The following TACR1 variants were observed in gnomAD, a reference collection of about 807,000 sequenced individuals.
TACR1 encodes the protein tachykinin receptor 1.
A neutral mutation model predicts 35.8 loss-of-function variants in TACR1; 25 were observed. The observed-to-expected ratio is 0.70, with a 90% CI of 0.51 to 0.98. The LOEUF (loss-of-function observed/expected upper bound fraction) is 0.98, where lower values mean the gene tolerates loss of function less well. Among genes scored for constraint, TACR1 ranks in the 50% least tolerant of loss-of-function variants. The probability of loss-of-function intolerance (pLI) is 0.00; values close to 1 mark genes in which losing one functional copy is unlikely to be tolerated. For missense variants in TACR1, 478 were observed against 522.9 expected (o/e 0.91, Z 0.84); for synonymous variants, 195 against 206.7 (o/e 0.94, Z 0.48).
chr2:75,143,384 T>C (rs935935621), intron 1 of TACR1, among the ~76,000 whole-genome samples: 1 of 152,222 alleles, frequency 6.6e-6, no homozygotes, highest in African/African-American at 2.4e-5. Context: ...GCTCTTGTCT[T>C]CCTTCCATTG....
intron 2 of TACR1, among the ~76,000 whole-genome samples, chr2:75,090,304 G>T (rs757673532): frequency 4.6e-5 from 7 of 152,164 alleles, no homozygotes; most frequent in Non-Finnish European, 7.3e-5. Flanking sequence ...TCCTCAGCCA[G>T]GGCTCTTAAA....
intron 2 of TACR1, among the ~76,000 whole-genome samples, chr2:75,081,362 G>C (rs1056547080): frequency 6.6e-6 from 1 of 152,122 alleles, no homozygotes; most frequent in Non-Finnish European, 1.5e-5. Flanking sequence ...ACCACCATAT[G>C]GTGAAAAATC....
At position 75,103,340 on chromosome 2, in the gene TACR1, G is replaced by A. The variant is rs1017942532; in HGVS notation, c.584+17234C>T. On this transcript the variant is annotated intron_variant, in intron 2 of 4. Coordinates refer to ENST00000305249, the MANE Select transcript of TACR1 (RefSeq NM_001058.4). ...CAAAACACACGACACAACACAAAAAGCACAAAACTAGAAACTAAAAACAAA... is the reference window on the plus strand; with the variant it reads ...CAAAACACACGACACAACACAAAAAACACAAAACTAGAAACTAAAAACAAA... Among the ~76,000 whole-genome samples, 4 of 151,962 alleles carry A rather than the reference G, an allele frequency of 2.6e-5. No homozygotes were observed. The East Asian group carries it at 7.7e-4, about 29-fold the overall frequency.
chr2:75,183,583 T>A (rs1427533242), intron 1 of TACR1, among the ~76,000 whole-genome samples: 1 of 152,202 alleles, frequency 6.6e-6, no homozygotes, highest in African/African-American at 2.4e-5. Context: ...AACCGTGTAC[T>A]ACGGCAGGAA....
chr2:75,056,867 G>C (rs1164980723), intron 2 of TACR1, among the ~76,000 whole-genome samples: 1 of 152,178 alleles, frequency 6.6e-6, no homozygotes, highest in Non-Finnish European at 1.5e-5. Context: ...TTCCTATAGA[G>C]ATAATTAAAT....
intron 1 of TACR1, among the ~76,000 whole-genome samples, chr2:75,150,338 C>A (rs762639341): frequency 6.6e-6 from 1 of 152,164 alleles, no homozygotes; most frequent in Non-Finnish European, 1.5e-5. Context: ...TGTGTCCCCA[C>A]GCAAATCTCA....
At chr2:75,195,072 CTCTCTG>C in intron 1 of TACR1, among the ~76,000 whole-genome samples, 1 of 152,258 alleles carries the variant, frequency 6.6e-6, no homozygotes, top group East Asian at 1.9e-4. Flanking sequence ...GAGTCATCAC[CTCTCTG>C]TGTCCCCCAT....
chr2:75,170,687 G>C (rs1374621392), intron 1 of TACR1, among the ~76,000 whole-genome samples: 1 of 152,220 alleles, frequency 6.6e-6, no homozygotes, highest in Non-Finnish European at 1.5e-5. Flanking sequence ...GTCTCAGATG[G>C]AGATGAGGAA....
chr2:75,160,215 C>G (rs1674971260), intron 1 of TACR1, among the ~76,000 whole-genome samples: 1 of 149,132 alleles, frequency 6.7e-6, no homozygotes, highest in Non-Finnish European at 1.5e-5. Flanking sequence ...CTCTCCTGAG[C>G]AGACCTTTGC....
At chr2:75,195,670 TAATC>T (rs145619317) in intron 1 of TACR1, among the ~76,000 whole-genome samples, 2 of 147,502 alleles carry the variant, frequency 1.4e-5, no homozygotes, top group African/African-American at 2.7e-5. Flanking sequence ...CTTAAGAAAA[TAATC>T]AAGAAGGCAA....
At chr2:75,141,272 C>G (rs1674395862) in intron 1 of TACR1, among the ~76,000 whole-genome samples, 2 of 152,192 alleles carry the variant, frequency 1.3e-5, no homozygotes, top group Admixed American at 6.5e-5. Context: ...ATAACAGGAC[C>G]CACCATCCTC....
In TACR1 at chr2:75,050,855, C is replaced by T. The variant is rs551305399; in HGVS notation, c.932+396G>A. 2.0e-3 allele frequency among the ~76,000 whole-genome samples: 298 copies of T among 152,280 alleles called. 2 individuals are homozygous for T. Among genetic ancestry groups the T allele is most frequent in the Non-Finnish European group, 3.6e-3 (242 of 68,012 alleles). The stretch of plus-strand genomic sequence containing the variant: ...AAATTCTCTTTCTGCATGCATAGCC[C>T]GCTGTGTACTGGATCCATAGAGCAG... On this transcript the variant is annotated intron_variant, in intron 4 of 4. Coordinates refer to ENST00000305249, the MANE Select transcript of TACR1 (RefSeq NM_001058.4).
At chr2:75,155,274 G>A (rs1374125264) in intron 1 of TACR1, among the ~76,000 whole-genome samples, 1 of 152,094 alleles carries the variant, frequency 6.6e-6, no homozygotes, top group Admixed American at 6.5e-5. Flanking sequence ...CTTCTTGCCT[G>A]GTATGGCTTA....
intron 2 of TACR1, among the ~76,000 whole-genome samples, chr2:75,104,764 C>G (rs575733770): frequency 2.6e-5 from 4 of 152,080 alleles, no homozygotes; most frequent in Admixed American, 2.6e-4. Context: ...ATACAAATGG[C>G]TTTCAGGTAT....
At position 75,048,772 on chromosome 2, in the gene TACR1, G is replaced by A. The variant is rs1672407528; in HGVS notation, c.*660C>T. 6.6e-6 allele frequency: 1 copy of A among 152,142 alleles called. No individual in the cohort carries two copies. Among genetic ancestry groups the A allele is most frequent in the African/African-American group, 2.4e-5 (1 of 41,408 alleles). 9.4% of individuals were successfully genotyped at this position (152,142 alleles called of 1,614,324 possible). A position where few individuals can be genotyped will look rare whatever the true frequency, so the allele number is the denominator to read the frequency against. On this transcript the variant is annotated 3_prime_UTR_variant, in exon 5 of 5. Transcript: ENST00000305249. ...GTAAGAGAACTAGCAGGTATCAGTG[G>A]ACATATTCTGCTTGCGTCGGCTGCT...
At chr2:75,181,737 C>T (rs1675563316) in intron 1 of TACR1, among the ~76,000 whole-genome samples, 1 of 152,060 alleles carries the variant, frequency 6.6e-6, no homozygotes, top group Non-Finnish European at 1.5e-5. Flanking sequence ...TAGTTTTATT[C>T]ATGGATAAAT....
At chr2:75,132,536 A>G (rs1323872788) in intron 1 of TACR1, among the ~76,000 whole-genome samples, 1 of 152,206 alleles carries the variant, frequency 6.6e-6, no homozygotes, top group Non-Finnish European at 1.5e-5. Flanking sequence ...TTCATTATAC[A>G]TAATAAACAT....
At chr2:75,093,145 A>T (rs1673341039) in intron 2 of TACR1, among the ~76,000 whole-genome samples, 1 of 152,206 alleles carries the variant, frequency 6.6e-6, no homozygotes, top group African/African-American at 2.4e-5. Flanking sequence ...AATATGTTGC[A>T]GTTTCATTAT....
chr2:75,184,374 A>G (rs1675636024), intron 1 of TACR1, among the ~76,000 whole-genome samples: 2 of 152,072 alleles, frequency 1.3e-5, no homozygotes, highest in East Asian at 3.8e-4. Flanking sequence ...AAACATTACC[A>G]TCACAGGTTA....
Sources: allele counts gnomAD v4.1 joint callset (sites outside exome capture counted in the v4.1 genomes callset), GRCh38; gene constraint gnomAD v4.1.1; transcripts MANE v1.5; gene names NCBI Gene and HGNC (gene_info 2026-07-23, HGNC 2026-07-21).